CACNA1H: variants seen among roughly 807,000 people sequenced by gnomAD.
CACNA1H encodes voltage-dependent T-type calcium channel subunit alpha-1H.
CACNA1H carries 149 observed loss-of-function variants against 192.5 expected under a neutral mutation model. That is an observed-to-expected ratio of 0.77 (90% CI 0.68 to 0.89). The LOEUF is 0.89. CACNA1H is among the 40% of genes least tolerant of loss of function. The pLI, the probability that CACNA1H is intolerant of heterozygous loss-of-function variation, is 0.00. For missense variants in CACNA1H, 4,257 were observed against 3,423.5 expected (o/e 1.24, Z -6.08); for synonymous variants, 2,202 against 1,475.2 (o/e 1.49, Z -11.29).
At chr16:1,217,619 G>A (rs914473007) in intron 31 of CACNA1H, among the ~76,000 whole-genome samples, 3 of 152,196 alleles carry the variant, frequency 2.0e-5, no homozygotes, top group African/African-American at 2.4e-5. Flanking sequence ...GTCAGCCGGC[G>A]CCTACTCATC....
At chr16:1,181,281 C>T (rs898681949) in intron 2 of CACNA1H, among the ~76,000 whole-genome samples, 2 of 152,262 alleles carry the variant, frequency 1.3e-5, no homozygotes, top group African/African-American at 4.8e-5. Flanking sequence ...TCTCACCCGG[C>T]ATGGCCGGCC....
Position 1,167,040 on chromosome 16 carries a change from C to T in CACNA1H, c.299+13004C>T, listed in dbSNP as rs546507314. 7.9e-5 allele frequency among the ~76,000 whole-genome samples: 12 copies of T among 152,354 alleles called. No individual in the cohort carries two copies. The highest frequency in any genetic ancestry group is 9.6e-5 in the African/African-American group (4 of 41,598). ...CCCACCTGTTGACCCACCTCTCGCC[C>T]CCAGCTTTTGGGTCCCTGAGTGGTG... is the stretch of plus-strand genomic sequence containing the variant. On this transcript the variant is annotated intron_variant, in intron 2 of 34. Coordinates refer to ENST00000348261, the MANE Select transcript of CACNA1H (RefSeq NM_021098.3). This position sits in a 1 kb window ranked among gnomAD's most constrained non-coding sequence, Gnocchi z 4.2.
intron 2 of CACNA1H, chr16:1,159,592 C>T (rs1236823616): frequency 6.6e-6 from 1 of 152,272 alleles, no homozygotes; most frequent in African/African-American, 2.4e-5. Flanking sequence ...GCCTGGGGGC[C>T]CAGGGCTCAG....
At chr16:1,200,925 C>A in intron 8 of CACNA1H, 117 bp downstream of exon 8, 1 of 735,834 alleles carries the variant, frequency 1.4e-6, no homozygotes. Flanking sequence ...GAAGGGAGCA[C>A]ACAGGGGAGG....
intron 4 of CACNA1H, 83 bp from the exon 5 acceptor site, chr16:1,195,843 T>A (rs1415962444): frequency 1.8e-6 from 2 of 1,122,366 alleles, no homozygotes; most frequent in Non-Finnish European, 2.7e-6. Context: ...GTTCTATGCC[T>A]GCCCACCCTA....
chr16:1,213,993 A>G (rs149052943), intron 27 of CACNA1H, 62 bp downstream of exon 27: 4 of 1,401,660 alleles, frequency 2.9e-6, no homozygotes, highest in Non-Finnish European at 4.0e-6. Context: ...GGCAGCCAAC[A>G]CAGTGGGCAC....
intron 2 of CACNA1H, among the ~76,000 whole-genome samples, chr16:1,189,634 C>T (rs928035828): frequency 1.3e-5 from 2 of 151,950 alleles, no homozygotes; most frequent in Admixed American, 6.6e-5. Context: ...GTTGCCCAGG[C>T]TGGTCTCAGA....
chr16:1,177,152 A>G (rs1277314950), intron 2 of CACNA1H, among the ~76,000 whole-genome samples: 1 of 152,118 alleles, frequency 6.6e-6, no homozygotes, highest in African/African-American at 2.4e-5. Context: ...TTCCACTGAC[A>G]TTTACAAAGG....
In CACNA1H at chr16:1,167,416, C is replaced by T. The variant is rs1451200347; in HGVS notation, c.299+13380C>T. On this transcript the variant is annotated intron_variant, in intron 2 of 34. Transcript: ENST00000348261. This position sits in a 1 kb window ranked among gnomAD's most constrained non-coding sequence, Gnocchi z 4.2. ...CGTGTGTGTTTGCACGGCATCCATC[C>T]CTCCATCCGTCCTCTGGAGAATTTC... 7.9e-5 allele frequency among the ~76,000 whole-genome samples: 12 copies of T among 152,306 alleles called. No individual in the cohort carries two copies. In the Middle Eastern group the frequency reaches 0.024, roughly 302 times the overall value.
chr16:1,177,679 G>A (rs560414759), intron 2 of CACNA1H, among the ~76,000 whole-genome samples: 1 of 152,160 alleles, frequency 6.6e-6, no homozygotes, highest in East Asian at 1.9e-4. Context: ...GGTTCTGGAG[G>A]CTGGACGTCC....
At chr16:1,216,036 C>G (rs867045437) in intron 30 of CACNA1H, among the ~76,000 whole-genome samples, 16 of 152,114 alleles carry the variant, frequency 1.1e-4, no homozygotes, top group African/African-American at 3.9e-4. Context: ...TTCTGTCCTC[C>G]AAGGCCAAGA....
intron 2 of CACNA1H, among the ~76,000 whole-genome samples, chr16:1,192,038 C>T (rs1336164964): frequency 1.3e-5 from 2 of 152,284 alleles, no homozygotes; most frequent in African/African-American, 4.8e-5. Flanking sequence ...AACCTTGCCC[C>T]TCTATGGTCT....
At chr16:1,202,592 T>G (rs1401646613) in intron 9 of CACNA1H, 140 bp downstream of exon 9, 3 of 776,336 alleles carry the variant, frequency 3.9e-6, no homozygotes, top group East Asian at 5.8e-5. Flanking sequence ...CAGCTATGCC[T>G]CTGGAGCCCA....
intron 2 of CACNA1H, among the ~76,000 whole-genome samples, chr16:1,171,721 C>T (rs1423927986): frequency 6.6e-6 from 1 of 152,202 alleles, no homozygotes; most frequent in Non-Finnish European, 1.5e-5. Flanking sequence ...CACCCTCCCT[C>T]CCTCCTGGAG....
rs1970218013 is a variant in CACNA1H, at chr16:1,218,527, G to T, written c.5763G>T (p.Val1921=). ...ACCTGGTTGCACGCAAGGTGTCCGT[G>T]TCCAGGATGCTCTCGCTGCCCAACG... The part of the protein sequence containing the change: ...APNLVARKVS[V]SRMLSLPNDS... The change falls in exon 33 of 35, where the codon GTG becomes GTT. Residue 1921 remains valine (V), a synonymous_variant. Transcript: ENST00000348261. 6.4e-7 allele frequency: 1 copy of T among 1,555,366 alleles called. No individual in the cohort carries two copies. Among genetic ancestry groups the T allele is most frequent in the South Asian group, 1.2e-5 (1 of 84,336 alleles).
intron 25 of CACNA1H, 95 bp downstream of exon 25, chr16:1,212,233 A>G (rs1596461662): frequency 6.8e-7 from 1 of 1,464,544 alleles, no homozygotes; most frequent in Non-Finnish European, 9.1e-7. Flanking sequence ...GCCTCCCCGA[A>G]TGGCTCTGCA....
At chr16:1,158,553 A>G (rs1442237509) in intron 2 of CACNA1H, among the ~76,000 whole-genome samples, 2 of 152,170 alleles carry the variant, frequency 1.3e-5, no homozygotes, top group Non-Finnish European at 2.9e-5. Flanking sequence ...CCCGCCAGGA[A>G]GTGGGCGTGA....
rs61543423 is a variant in CACNA1H, at chr16:1,209,076, C to T, written c.3408C>T (p.Gly1136=). ...CCTGTGCCCCCTGGGGCCCCAGTGG[C>T]GCCTGGAGCAGCCGGCGCTCCAGCT... ...SSPCAPWGPS[G]AWSSRRSSWS... is the part of the protein sequence containing the mutation. The change falls in exon 17 of 35, where the codon GGC becomes GGT. Residue 1136 remains glycine, a synonymous_variant. Transcript: ENST00000348261. 2.3e-4 allele frequency: 350 copies of T among 1,543,550 alleles called. 1 individual carries two copies. Among genetic ancestry groups the T allele is most frequent in the Middle Eastern group, 7.0e-4 (4 of 5,720 alleles).
In CACNA1H at chr16:1,210,442, C is replaced by G; in HGVS notation, c.3918C>G (p.Leu1306=). ...ACGTGGTCCTCGTCTTCATCTTCCT[C>G]AACTGCGTCACCATCGCCCTGGAGA... ...FDHVVLVFIF[L]NCVTIALERP... The change falls in exon 19 of 35, where the codon CTC becomes CTG. Residue 1306 remains leucine, a synonymous_variant. Transcript: ENST00000348261. The G allele has an allele frequency of 6.2e-7, 1 of 1,608,984 alleles. No individual in the cohort carries two copies. Among genetic ancestry groups the G allele is most frequent in the Non-Finnish European group, 8.5e-7 (1 of 1,177,914 alleles).
Sources: allele counts gnomAD v4.1 joint callset (sites outside exome capture counted in the v4.1 genomes callset), GRCh38; gene constraint gnomAD v4.1.1; non-coding constraint Gnocchi (gnomAD v3.1); transcripts MANE v1.5; gene names NCBI Gene and HGNC (gene_info 2026-07-23, HGNC 2026-07-21).